The following MOGAT2 variants were observed in gnomAD, a reference collection of about 807,000 sequenced individuals.
MOGAT2 encodes the protein 2-acylglycerol O-acyltransferase 2.
MOGAT2 carries 27 observed loss-of-function variants against 31.5 expected under a neutral mutation model. That is an observed-to-expected ratio of 0.86 (90% confidence interval 0.63 to 1.18). The LOEUF (loss-of-function observed/expected upper bound fraction) is 1.18, where lower values mean the gene tolerates loss of function less well. Ranked by LOEUF, MOGAT2 falls within the 50% of genes most tolerant of loss-of-function variation. MOGAT2 has a pLI of 0.00. For missense variants in MOGAT2, 436 were observed against 433.2 expected (o/e 1.01, Z -0.06); for synonymous variants, 163 against 170.0 (o/e 0.96, Z 0.32).
In MOGAT2 at chr11:75,717,903, G is replaced by T. The variant is rs755110055; in HGVS notation, c.15G>T (p.Ala5=). 2 of 1,614,144 alleles carry T rather than the reference G, an allele frequency of 1.2e-6. No homozygotes were observed. The change falls in exon 1 of 6, where the codon GCG becomes GCT. Residue 5 remains alanine, a synonymous_variant. Transcript: ENST00000198801. MVEF[A]PLFMPWERRL... is the part of the protein sequence containing the mutation. ...GACCCGCCAGCATGGTAGAGTTCGC[G>T]CCCTTGTTTATGCCGTGGGAGCGCA...
rs766509514 is a variant in MOGAT2 at position 75,728,018 on chromosome 11, AG to A, written c.527del (p.Gly176ValfsTer10). 1.9e-6 allele frequency: 3 copies of A among 1,613,938 alleles called. No homozygotes were observed. In the Admixed American group the frequency reaches 5.0e-5, roughly 27 times the overall value. On this transcript the variant is annotated frameshift_variant, in exon 4 of 6. Transcript: ENST00000198801. LOFTEE classifies it high-confidence loss of function. ...AGTGCTGCTCACATTCTGAACAGGA[AG>A]GGTGGCGGAAACTTGCTGGGCATCA... ...KESAAHILNRKGGGNLLGIIV... is the reference protein window; with the variant it reads ...KESAAHILNRXGGGNLLGIIV...
intron 3 of MOGAT2, 93 bp downstream of exon 3, chr11:75,727,732 T>A: frequency 7.6e-7 from 1 of 1,316,946 alleles, no homozygotes; most frequent in Non-Finnish European, 1.1e-6. Context: ...GCGTGTGCAG[T>A]AGGAGAAGGA....
chr11:75,729,424 G>A lies in MOGAT2; in HGVS notation c.850+435G>A, dbSNP rs538689533. On this transcript the variant is annotated intron_variant, in intron 5 of 5. Transcript: ENST00000198801. ...TGAGTAGCTGGGACTACAGTCGCTC[G>A]CCACAACACTCAGCTAATTTTTGTA... Among the ~76,000 whole-genome samples the A allele has an allele frequency of 8.1e-4, 123 of 152,170 alleles. 1 individual carries two copies. The South Asian group carries it at 0.025, about 31-fold the overall frequency.
chr11:75,727,119 A>G (rs993135751), intron 2 of MOGAT2, among the ~76,000 whole-genome samples: 2 of 152,126 alleles, frequency 1.3e-5, no homozygotes, highest in African/African-American at 4.8e-5. Flanking sequence ...ATCATACCTG[A>G]GTTTCTCAGT....
intron 4 of MOGAT2, chr11:75,728,583 A>C (rs1038366224): frequency 3.3e-6 from 2 of 597,580 alleles, no homozygotes; most frequent in African/African-American, 3.7e-5. Flanking sequence ...GCAACTGGGA[A>C]GTTGTGGCCC....
At chr11:75,718,056 C>A in intron 1 of MOGAT2, 77 bp downstream of exon 1, 2 of 1,354,588 alleles carry the variant, frequency 1.5e-6, no homozygotes, top group Non-Finnish European at 2.1e-6. Flanking sequence ...GTGCACACAG[C>A]ACATTGATGG....
chr11:75,723,243 A>C (rs1040552687), intron 2 of MOGAT2, among the ~76,000 whole-genome samples: 17 of 150,998 alleles, frequency 1.1e-4, no homozygotes, highest in Admixed American at 2.0e-4. Context: ...CAGACACTGC[A>C]CCTGGCTCTG....
At chr11:75,729,721 A>G (rs1252456525) in intron 5 of MOGAT2, among the ~76,000 whole-genome samples, 3 of 150,208 alleles carry the variant, frequency 2.0e-5, no homozygotes, top group Admixed American at 6.7e-5. Context: ...TTACAATGCC[A>G]GAGAAGGAGG....
In MOGAT2 at chr11:75,720,064, C is replaced by T. The variant is rs1353990864; in HGVS notation, c.164C>T (p.Ala55Val). 6.2e-7 allele frequency: 1 copy of T among 1,614,208 alleles called. No individual in the cohort carries two copies. Among genetic ancestry groups the T allele is most frequent in the Admixed American group, 1.7e-5 (1 of 60,032 alleles). The change falls in exon 2 of 6, where the codon GCC becomes GTC. Residue 55 changes from alanine (A) to valine (V), a missense_variant. Ala to Val is a moderately conservative substitution (Grantham distance 64). Coordinates refer to ENST00000198801, the MANE Select transcript of MOGAT2 (RefSeq NM_025098.4). ...TGGCTCCTCACTGTCCTGTATGCGG[C>T]CTGGTGGTATCTGGACCGAGACAAG... ...RFWLLTVLYA[A>V]WWYLDRDKPR...
intron 2 of MOGAT2, among the ~76,000 whole-genome samples, chr11:75,722,754 T>G (rs1396517333): frequency 6.6e-6 from 1 of 152,182 alleles, no homozygotes; most frequent in East Asian, 1.9e-4. Flanking sequence ...TGGCCCTCTT[T>G]GCACCTGGAG....
chr11:75,717,917 C>T lies in MOGAT2; in HGVS notation c.29C>T (p.Pro10Leu), dbSNP rs765919153. The T allele has an allele frequency of 2.9e-5, 47 of 1,614,192 alleles. No homozygotes were observed. Among genetic ancestry groups the T allele is most frequent in the East Asian group, 2.7e-4 (12 of 44,872 alleles). The change falls in exon 1 of 6, where the codon CCG becomes CTG. Residue 10 changes from proline to leucine, a missense_variant. Transcript: ENST00000198801. The part of the protein sequence containing the change: MVEFAPLFM[P>L]WERRLQTLAV... ...GTAGAGTTCGCGCCCTTGTTTATGC[C>T]GTGGGAGCGCAGGCTGCAGACACTT...
intron 1 of MOGAT2, 29 bp from the exon 2 acceptor site, chr11:75,719,963 T>C (rs1303731536): frequency 5.0e-6 from 8 of 1,608,226 alleles, no homozygotes; most frequent in Non-Finnish European, 4.2e-6. Context: ...CAGACCCCTG[T>C]CCCTGACAGC....
Position 75,727,563 on chromosome 11 carries a change from C to T in MOGAT2, c.399C>T (p.Pro133=), listed in dbSNP as rs148157580. The change falls in exon 3 of 6, where the codon CCC becomes CCT. Residue 133 remains proline (P), a synonymous_variant. Transcript: ENST00000198801. ...GCACAGGCTTCTCTTCGATCTTCCC[C>T]GGTATCCGCCCCCATCTGATGATGC... is the stretch of plus-strand genomic sequence containing the variant. ...TESTGFSSIF[P]GIRPHLMMLT... is the part of the protein sequence containing the mutation. The T allele has an allele frequency of 6.2e-5, 100 of 1,614,190 alleles. No homozygotes were observed. In the African/African-American group the frequency reaches 6.3e-4, roughly 10 times the overall value.
At chr11:75,724,206 AC>A (rs1207363113) in intron 2 of MOGAT2, among the ~76,000 whole-genome samples, 2 of 152,212 alleles carry the variant, frequency 1.3e-5, no homozygotes, top group Non-Finnish European at 2.9e-5. Context: ...CTGAGGCTGT[AC>A]CAGCCTCATC....
At chr11:75,720,302 C>A in intron 2 of MOGAT2, 132 bp downstream of exon 2, 1 of 948,568 alleles carries the variant, frequency 1.1e-6, no homozygotes, top group Non-Finnish European at 1.6e-6. Flanking sequence ...GAGGCAGGAG[C>A]TAGGGCTTCC....
intron 2 of MOGAT2, among the ~76,000 whole-genome samples, chr11:75,726,200 C>G (rs561027589): frequency 2.6e-5 from 4 of 152,214 alleles, no homozygotes; most frequent in Non-Finnish European, 5.9e-5. Flanking sequence ...CAAGCTGCTG[C>G]GATGGCTGGG....
rs779269030 is a variant in MOGAT2, at chr11:75,731,208, C to T, written c.927C>T (p.Ile309=). ...EEVNQLHQRY[I]KELCNLFEAH... Reference sequence around the variant, plus strand: ...TGAACCAGCTGCACCAGCGTTATATCAAAGAGCTGTGCAACCTCTTCGAGG... The same window carrying T: ...TGAACCAGCTGCACCAGCGTTATATTAAAGAGCTGTGCAACCTCTTCGAGG... The change falls in exon 6 of 6, where the codon ATC becomes ATT. Residue 309 remains isoleucine (I), a synonymous_variant. Coordinates refer to ENST00000198801, the MANE Select transcript of MOGAT2 (RefSeq NM_025098.4). The T allele has an allele frequency of 1.9e-6, 3 of 1,614,156 alleles. No homozygotes were observed. Among genetic ancestry groups the T allele is most frequent in the Admixed American group, 1.7e-5 (1 of 60,024 alleles).
At position 75,720,095 on chromosome 11, in the gene MOGAT2, G is replaced by T. The variant is rs1294620321; in HGVS notation, c.195G>T (p.Arg65=). 7.4e-6 allele frequency: 12 copies of T among 1,614,186 alleles called. No individual in the cohort carries two copies. Among genetic ancestry groups the T allele is most frequent in the Non-Finnish European group, 1.0e-5 (12 of 1,180,038 alleles). ...GGTATCTGGACCGAGACAAGCCACG[G>T]CAGGGGGGCCGGCACATCCAGGCCA... The part of the protein sequence containing the change: ...AWWYLDRDKP[R]QGGRHIQAIR... Residue 65 remains arginine, a synonymous_variant, in exon 2 of 6, where the codon CGG becomes CGT. Transcript: ENST00000198801.
In MOGAT2 at chr11:75,719,743, A is replaced by G; in HGVS notation, c.92-249A>G. 15 of 484,072 alleles carry G rather than the reference A, an allele frequency of 3.1e-5. No homozygotes were observed. In the South Asian group the frequency reaches 4.8e-4, roughly 16 times the overall value. 30.0% of individuals were successfully genotyped at this position (484,072 alleles called of 1,614,324 possible). A position where few individuals can be genotyped will look rare whatever the true frequency, so the allele number is the denominator to read the frequency against. ...TAGGCGGCCTGGTGCAGTGGGAGAAAGTGAGCTTTGGAGTTAGGCCTACCT... is the reference window on the plus strand; with the variant it reads ...TAGGCGGCCTGGTGCAGTGGGAGAAGGTGAGCTTTGGAGTTAGGCCTACCT... On this transcript the variant is annotated intron_variant, in intron 1 of 5. Transcript: ENST00000198801.
Sources: gnomAD v4.1 joint callset for allele counts (sites outside exome capture counted in the v4.1 genomes callset) on GRCh38, gnomAD v4.1.1 for gene constraint, MANE v1.5 for transcripts, NCBI Gene and HGNC (gene_info 2026-07-23, HGNC 2026-07-21) for gene names.